MAML3: variants seen among roughly 807,000 people sequenced by gnomAD.
MAML3 encodes the protein mastermind like transcriptional coactivator 3.
In MAML3, 27 loss-of-function variants were observed where a neutral mutation model predicts 101.9. That is an observed-to-expected ratio of 0.27 (90% CI 0.20 to 0.37). The LOEUF (loss-of-function observed/expected upper bound fraction) is 0.37, where lower values mean the gene tolerates loss of function less well. Ranked by LOEUF, MAML3 falls within the 10% of genes least tolerant of loss-of-function variation. The pLI, the probability that MAML3 is intolerant of heterozygous loss-of-function variation, is 1.00. For missense variants in MAML3, 1,316 were observed against 1,444.9 expected, an observed-to-expected ratio of 0.91 and a Z score of 1.45; for synonymous variants, 501 against 555.9, an observed-to-expected ratio of 0.90 and a Z score of 1.39.
chr4:139,781,191 A>G (rs1359255301), intron 2 of MAML3, among the ~76,000 whole-genome samples: 2 of 152,138 alleles, frequency 1.3e-5, no homozygotes, highest in Non-Finnish European at 2.9e-5. Context: ...TCACTGAAAA[A>G]TAGAGTTGCA....
intron 2 of MAML3, among the ~76,000 whole-genome samples, chr4:139,761,062 G>A (rs1474940622): frequency 6.6e-6 from 1 of 152,126 alleles, no homozygotes; most frequent in African/African-American, 2.4e-5. Context: ...GGGTTCAAGT[G>A]ATTCTCCTGC....
At chr4:140,152,798 G>GCCCC in intron 1 of MAML3, 62 bp downstream of exon 1, 3 of 1,555,798 alleles carry the variant, frequency 1.9e-6, no homozygotes, top group Admixed American at 1.8e-5. Flanking sequence ...AGCTCCACGC[G>GCCCC]CCCCCCACCA....
chr4:139,923,595 G>A (rs1733168672), intron 1 of MAML3, among the ~76,000 whole-genome samples: 2 of 150,270 alleles, frequency 1.3e-5, no homozygotes, highest in Non-Finnish European at 2.9e-5. Context: ...AGTTTTGTAT[G>A]TACATATTTT....
At chr4:140,069,339 A>T (rs568754414) in intron 1 of MAML3, among the ~76,000 whole-genome samples, 1,227 of 114,830 alleles carry the variant, frequency 0.011, 22 homozygotes, top group Non-Finnish European at 0.018. Flanking sequence ...GGAGAAGGAG[A>T]AGGAGAAGGA....
At chr4:140,107,819 T>A (rs1406804218) in intron 1 of MAML3, among the ~76,000 whole-genome samples, 1 of 151,180 alleles carries the variant, frequency 6.6e-6, no homozygotes, top group Non-Finnish European at 1.5e-5. Flanking sequence ...AAATGCTTCT[T>A]TAGGTAGAAA....
At chr4:139,894,002 G>C (rs571341640) in intron 1 of MAML3, among the ~76,000 whole-genome samples, 7 of 152,162 alleles carry the variant, frequency 4.6e-5, no homozygotes, top group Non-Finnish European at 1.0e-4. Context: ...CTTTCCACTC[G>C]GGTACTCTCT....
intron 1 of MAML3, among the ~76,000 whole-genome samples, chr4:140,064,904 G>A (rs567568888): frequency 1.3e-5 from 2 of 152,156 alleles, no homozygotes; most frequent in Admixed American, 1.3e-4. Context: ...TCTTCTCAAG[G>A]CCCTTTTCAA....
In MAML3 at chr4:139,889,637, C is replaced by T; in HGVS notation, c.1799G>A (p.Gly600Asp). ...LNKQHNILTY[G>D]NTKPLTHFNA... ...GAAGTGGGTCAGGGGTTTAGTGTTG[C>T]CATAAGTCAGAATATTGTGCTGTTT... is the stretch of plus-strand genomic sequence containing the variant. Residue 600 changes from glycine (G) to aspartate (D), a missense_variant, in exon 2 of 5, where the codon GGC (glycine) becomes GAC (aspartate). By Grantham distance (94) the Gly-to-Asp change is moderately conservative. Transcript: ENST00000509479. 1.2e-6 allele frequency: 2 copies of T among 1,613,876 alleles called. No individual in the cohort carries two copies. The highest frequency in any genetic ancestry group is 1.7e-6 in the Non-Finnish European group (2 of 1,179,890).
chr4:139,958,700 T>C (rs1183475977), intron 1 of MAML3, among the ~76,000 whole-genome samples: 1 of 152,202 alleles, frequency 6.6e-6, no homozygotes. Flanking sequence ...CGTTCAGGTC[T>C]TGAATTTTGT....
intron 1 of MAML3, among the ~76,000 whole-genome samples, chr4:140,028,999 A>AC: frequency 6.6e-6 from 1 of 152,270 alleles, no homozygotes; most frequent in South Asian, 2.1e-4. Context: ...AATGATGTCC[A>AC]GTCTTCGAGG....
At position 139,890,109 on chromosome 4, in the gene MAML3, C is replaced by A; in HGVS notation, c.1327G>T (p.Ala443Ser). ...GCTGAACCGGCCACTGTCACTGCTG[C>A]CGGATTCAGGAGATAACCATTTCCA... is the stretch of plus-strand genomic sequence containing the variant. ...RPGNGYLLNP[A>S]AVTVAGSASG... Residue 443 changes from alanine (A) to serine (S), a missense_variant, in exon 2 of 5, where the codon GCA becomes TCA. Coordinates refer to ENST00000509479, the MANE Select transcript of MAML3 (RefSeq NM_018717.5). The surrounding 1 kb of genome is among the most constrained non-coding windows in gnomAD (Gnocchi z 4.1). The A allele has an allele frequency of 6.2e-7, 1 of 1,613,786 alleles. No individual in the cohort carries two copies. Among genetic ancestry groups the A allele is most frequent in the Non-Finnish European group, 8.5e-7 (1 of 1,179,820 alleles).
intron 2 of MAML3, among the ~76,000 whole-genome samples, chr4:139,888,895 TC>T (rs888706200): frequency 3.9e-5 from 6 of 152,162 alleles, no homozygotes; most frequent in Non-Finnish European, 8.8e-5. Context: ...AAGCCAAATT[TC>T]CCATTATTCA....
intron 2 of MAML3, 108 bp downstream of exon 2, chr4:139,889,249 T>C (rs901399062): frequency 1.9e-6 from 3 of 1,602,272 alleles, no homozygotes; most frequent in Non-Finnish European, 2.6e-6. Context: ...AGAGGTTTTC[T>C]GCAGGCAATT....
intron 2 of MAML3, among the ~76,000 whole-genome samples, chr4:139,758,891 G>A (rs192767856): frequency 3.2e-4 from 48 of 152,260 alleles, no homozygotes; most frequent in East Asian, 3.1e-3. Context: ...CACACACTCA[G>A]AGAACCACTG....
intron 1 of MAML3, among the ~76,000 whole-genome samples, chr4:140,133,439 A>AT (rs1208838336): frequency 6.6e-6 from 1 of 152,186 alleles, no homozygotes; most frequent in Non-Finnish European, 1.5e-5. Context: ...ATCACAGGGC[A>AT]TTTTTTGAAT....
At chr4:139,839,732 T>C (rs891420153) in intron 2 of MAML3, among the ~76,000 whole-genome samples, 1 of 152,172 alleles carries the variant, frequency 6.6e-6, no homozygotes, top group Admixed American at 6.5e-5. Context: ...TGATTATTTC[T>C]GAAGCACTGA....
intron 1 of MAML3, among the ~76,000 whole-genome samples, chr4:140,026,456 G>T (rs1478658862): frequency 1.3e-5 from 2 of 152,058 alleles, no homozygotes; most frequent in Non-Finnish European, 1.5e-5. Context: ...GTTTCACCAC[G>T]TTGGCCAGGC....
chr4:140,054,992 C>T (rs1014087755), intron 1 of MAML3, among the ~76,000 whole-genome samples: 6 of 152,074 alleles, frequency 3.9e-5, no homozygotes, highest in African/African-American at 1.2e-4. Flanking sequence ...AATATGCTAC[C>T]TCTTGAAATA....
intron 1 of MAML3, among the ~76,000 whole-genome samples, chr4:139,992,332 T>C (rs7356526): frequency 0.03 from 4,632 of 152,212 alleles, 226 homozygotes; most frequent in African/African-American, 0.1. Context: ...TATTTTCATT[T>C]CTCCTGGATA....
Sources: gnomAD v4.1 joint callset for allele counts (sites outside exome capture counted in the v4.1 genomes callset) on GRCh38, gnomAD v4.1.1 for gene constraint, Gnocchi (gnomAD v3.1) non-coding constraint, MANE v1.5 for transcripts, NCBI Gene and HGNC (gene_info 2026-07-23, HGNC 2026-07-21) for gene names.